The following MLIP variants were observed in gnomAD, a reference collection of about 807,000 sequenced individuals.
The protein encoded by MLIP is muscular LMNA-interacting protein.
In MLIP, 79 loss-of-function variants were observed where a neutral mutation model predicts 84.8. The observed-to-expected ratio is 0.93, with a 90% CI of 0.78 to 1.12. The LOEUF (loss-of-function observed/expected upper bound fraction) is 1.12, where lower values mean the gene tolerates loss of function less well. Ranked by LOEUF, MLIP falls within the 50% of genes most tolerant of loss-of-function variation. The probability of loss-of-function intolerance (pLI) is 0.00; values close to 1 mark genes in which losing one functional copy is unlikely to be tolerated. For missense variants in MLIP, 1,257 were observed against 1,160.6 expected (o/e 1.08, Z -1.21); for synonymous variants, 504 against 463.0 (o/e 1.09, Z -1.14).
intron 11 of MLIP, among the ~76,000 whole-genome samples, chr6:54,219,935 A>G (rs375829931): frequency 6.6e-6 from 1 of 152,296 alleles, no homozygotes; most frequent in East Asian, 1.9e-4. Flanking sequence ...TTTAACGAAA[A>G]TAGCCATCTT....
chr6:54,248,832 T>C lies in MLIP; in HGVS notation c.2923-8476T>C, dbSNP rs557951916. 5.3e-5 allele frequency among the ~76,000 whole-genome samples: 8 copies of C among 152,242 alleles called. No individual in the cohort carries two copies. In the South Asian group the frequency reaches 1.7e-3, roughly 32 times the overall value. ...CCAATATAACAATATTAATGACCAA[T>C]ATTCAGTAGTGAGTGTTTGGTGGGC... is the stretch of plus-strand genomic sequence containing the variant. On this transcript the variant is annotated intron_variant, in intron 12 of 13. Coordinates refer to ENST00000502396, the MANE Select transcript of MLIP (RefSeq NM_001281747.2).
At chr6:54,079,626 T>G (rs1767009340) in intron 1 of MLIP, 1 of 152,250 alleles carries the variant, frequency 6.6e-6, no homozygotes, top group African/African-American at 2.4e-5. Flanking sequence ...GTCTTGAATA[T>G]TCTAAATCAC....
intron 13 of MLIP, among the ~76,000 whole-genome samples, chr6:54,263,170 A>G (rs1037901892): frequency 3.3e-5 from 5 of 152,030 alleles, no homozygotes; most frequent in African/African-American, 1.2e-4. Flanking sequence ...TCCAAGAGAA[A>G]CAAACAAAAC....
intron 11 of MLIP, chr6:54,216,407 C>T: frequency 1.0e-6 from 1 of 985,280 alleles, no homozygotes. Flanking sequence ...ACATAAAACT[C>T]AGCATTGTAG....
intron 10 of MLIP, among the ~76,000 whole-genome samples, chr6:54,195,668 C>A (rs1391334586): frequency 6.6e-6 from 1 of 152,042 alleles, no homozygotes; most frequent in African/African-American, 2.4e-5. Context: ...AAACACAAAT[C>A]AATAGCAGGC....
intron 5 of MLIP, among the ~76,000 whole-genome samples, chr6:54,153,887 T>C (rs1773737598): frequency 6.7e-6 from 1 of 150,026 alleles, no homozygotes; most frequent in South Asian, 2.1e-4. Flanking sequence ...GTCTTAAAAA[T>C]TTAACAAAAC....
At chr6:54,146,786 A>G (rs916228441) in intron 4 of MLIP, among the ~76,000 whole-genome samples, 2 of 152,124 alleles carry the variant, frequency 1.3e-5, no homozygotes, top group African/African-American at 4.8e-5. Context: ...TTCTTTAGGG[A>G]AGTTGAGGAT....
At chr6:54,044,435 G>A (rs1764918893) in intron 1 of MLIP, among the ~76,000 whole-genome samples, 1 of 152,164 alleles carries the variant, frequency 6.6e-6, no homozygotes. Flanking sequence ...GGCACTCTGT[G>A]TCCAAGATCT....
chr6:54,197,856 T>G (rs1248762449), intron 10 of MLIP, among the ~76,000 whole-genome samples: 1 of 152,142 alleles, frequency 6.6e-6, no homozygotes, highest in Non-Finnish European at 1.5e-5. Context: ...TAATTTCCTC[T>G]GTGTTTGTTT....
intron 1 of MLIP, among the ~76,000 whole-genome samples, chr6:54,099,041 C>T (rs1409818967): frequency 1.3e-5 from 2 of 152,122 alleles, no homozygotes; most frequent in Non-Finnish European, 2.9e-5. Flanking sequence ...CAAAAATCCA[C>T]ATTTATTCTT....
intron 10 of MLIP, among the ~76,000 whole-genome samples, chr6:54,196,672 G>A (rs917865776): frequency 1.3e-5 from 2 of 152,014 alleles, no homozygotes; most frequent in Non-Finnish European, 2.9e-5. Flanking sequence ...AGCACACTGA[G>A]CTTCTGTCTG....
chr6:54,180,820 G>T (rs1223135787), intron 9 of MLIP, among the ~76,000 whole-genome samples: 2 of 152,130 alleles, frequency 1.3e-5, no homozygotes, highest in African/African-American at 4.8e-5. Context: ...ACATATCCCT[G>T]TTCTTCCATG....
intron 9 of MLIP, among the ~76,000 whole-genome samples, chr6:54,180,283 A>G (rs1339681100): frequency 6.6e-6 from 1 of 152,024 alleles, no homozygotes; most frequent in Non-Finnish European, 1.5e-5. Flanking sequence ...TTGATTATTA[A>G]ATGCCTTGAG....
intron 11 of MLIP, among the ~76,000 whole-genome samples, chr6:54,228,867 C>T (rs1427446738): frequency 1.3e-5 from 2 of 152,204 alleles, no homozygotes; most frequent in East Asian, 1.9e-4. Context: ...GTTTGCTACT[C>T]AGTTGTCATA....
chr6:54,137,272 T>C lies in MLIP; in HGVS notation c.1203T>C (p.Leu401=), dbSNP rs142272831. 6.5e-7 allele frequency: 1 copy of C among 1,536,042 alleles called. No individual in the cohort carries two copies. The highest frequency in any genetic ancestry group is 2.4e-5 in the East Asian group (1 of 40,904). The change falls in exon 4 of 14, where the codon CTT becomes CTC. Residue 401 remains leucine, a synonymous_variant. Transcript: ENST00000502396. ...ICSQMSSSGN[L]SKSGVKSPVP... is the part of the protein sequence containing the mutation. Reference sequence around the variant, plus strand: ...GCCAAATGTCATCTAGTGGAAATCTTTCAAAGTCAGGGGTAAAATCCCCGG... The same window carrying C: ...GCCAAATGTCATCTAGTGGAAATCTCTCAAAGTCAGGGGTAAAATCCCCGG...
intron 11 of MLIP, among the ~76,000 whole-genome samples, chr6:54,211,809 T>C (rs1214853566): frequency 6.6e-6 from 1 of 152,190 alleles, no homozygotes; most frequent in Non-Finnish European, 1.5e-5. Flanking sequence ...ATGCTGGCAT[T>C]GAGAAACCCT....
chr6:54,217,803 T>G, intron 11 of MLIP: 1 of 984,918 alleles, frequency 1.0e-6, no homozygotes, highest in Non-Finnish European at 1.2e-6. Context: ...TTATGATCCC[T>G]GTACATCCCT....
chr6:54,126,798 G>A (rs1770957883), intron 3 of MLIP, among the ~76,000 whole-genome samples: 1 of 152,058 alleles, frequency 6.6e-6, no homozygotes. Context: ...CAGAAATACA[G>A]TCAAGTAAGT....
rs576671023 is a variant in MLIP, at chr6:54,148,247, G to C, written c.2218-809G>C. ...CAGGAGCCTTGAACTCAGTTCATCAGCTGGAGACCCAGAGCAGTATCAAAA... is the reference window on the plus strand; with the variant it reads ...CAGGAGCCTTGAACTCAGTTCATCACCTGGAGACCCAGAGCAGTATCAAAA... On this transcript the variant is annotated intron_variant, in intron 4 of 13. Transcript: ENST00000502396. 2.0e-5 allele frequency among the ~76,000 whole-genome samples: 3 copies of C among 152,246 alleles called. No homozygotes were observed. The South Asian group carries it at 6.2e-4, about 32-fold the overall frequency.
Sources: gnomAD v4.1 joint callset for allele counts (sites outside exome capture counted in the v4.1 genomes callset) on GRCh38, gnomAD v4.1.1 for gene constraint, MANE v1.5 for transcripts, NCBI Gene and HGNC (gene_info 2026-07-23, HGNC 2026-07-21) for gene names.